NMI: variants seen among roughly 807,000 people sequenced by gnomAD.
The protein encoded by NMI is N-myc and STAT interactor.
NMI carries 39 observed loss-of-function variants against 34.3 expected under a neutral mutation model. That is an observed-to-expected ratio of 1.14 (90% CI 0.88 to 1.49). NMI has a LOEUF of 1.49. NMI is among the 40% of genes most tolerant of loss of function. NMI has a pLI of 0.00. For missense variants in NMI, 339 were observed against 358.1 expected (o/e 0.95, Z 0.43); for synonymous variants, 113 against 120.3 (o/e 0.94, Z 0.40).
At chr2:151,277,343 C>T (rs1683308565) in intron 4 of NMI, 2 of 152,184 alleles carry the variant, frequency 1.3e-5, no homozygotes, top group Admixed American at 6.5e-5. Context: ...CCCTCCCACT[C>T]TTCCACAAAC....
chr2:151,274,141 G>A (rs776530498), intron 6 of NMI, among the ~76,000 whole-genome samples: 28 of 151,346 alleles, frequency 1.9e-4, no homozygotes, highest in Non-Finnish European at 3.8e-4. Context: ...TCAGGAGTTC[G>A]AGACCAACCT....
intron 3 of NMI, among the ~76,000 whole-genome samples, chr2:151,281,306 G>T (rs1358165072): frequency 6.6e-6 from 1 of 152,196 alleles, no homozygotes; most frequent in Non-Finnish European, 1.5e-5. Flanking sequence ...CACCTTGGAT[G>T]AGAAGAATTA....
At chr2:151,286,452 G>A (rs72856981) in intron 1 of NMI, among the ~76,000 whole-genome samples, 4,217 of 152,248 alleles carry the variant, frequency 0.028, 84 homozygotes, top group Non-Finnish European at 0.042. Flanking sequence ...CTGGGGCTCA[G>A]AAACTGATAC....
chr2:151,282,875 T>C lies in NMI; in HGVS notation c.74A>G (p.Gln25Arg), dbSNP rs996334738. The change falls in exon 2 of 8, where the codon CAA becomes CGA. Residue 25 changes from glutamine to arginine, a missense_variant. Physicochemically the swap from Gln to Arg is conservative, Grantham distance 43 (BLOSUM62 1). Coordinates refer to ENST00000243346, the MANE Select transcript of NMI (RefSeq NM_004688.3). ...HSPDEFIKDE[Q>R]NKGLIDEITK... ...CAGTAATTTCCTTTTTACCTTATTTTGTTCATCTTTTATAAATTCATCTGG... is the reference window on the plus strand; with the variant it reads ...CAGTAATTTCCTTTTTACCTTATTTCGTTCATCTTTTATAAATTCATCTGG... 4 of 1,476,414 alleles carry C rather than the reference T, an allele frequency of 2.7e-6. No individual in the cohort carries two copies. The highest frequency in any genetic ancestry group is 2.8e-6 in the Non-Finnish European group (3 of 1,087,952). 91.5% of individuals were successfully genotyped at this position (1,476,414 alleles called of 1,614,324 possible).
intron 6 of NMI, among the ~76,000 whole-genome samples, chr2:151,273,801 C>A (rs1683231789): frequency 6.6e-6 from 1 of 152,194 alleles, no homozygotes. Flanking sequence ...GGATTATAGG[C>A]ATGAGCCACT....
intron 1 of NMI, among the ~76,000 whole-genome samples, chr2:151,287,449 C>T (rs1376441797): frequency 2.0e-5 from 3 of 152,006 alleles, no homozygotes; most frequent in Non-Finnish European, 1.5e-5. Flanking sequence ...CTCACTTTCC[C>T]GTCCTATTTA....
chr2:151,275,963 C>G, intron 4 of NMI, 99 bp from the exon 5 acceptor site: 2 of 819,058 alleles, frequency 2.4e-6, no homozygotes, highest in Middle Eastern at 2.8e-4. Context: ...TTTTAATTTT[C>G]TTTAATATTA....
intron 4 of NMI, among the ~76,000 whole-genome samples, chr2:151,277,055 T>G (rs536991191): frequency 1.1e-4 from 17 of 152,316 alleles, no homozygotes; most frequent in African/African-American, 4.1e-4. Flanking sequence ...GCTATTCCAA[T>G]GTATCATGAA....
chr2:151,285,481 G>C (rs879675198), intron 1 of NMI, among the ~76,000 whole-genome samples: 1 of 151,816 alleles, frequency 6.6e-6, no homozygotes, highest in Admixed American at 6.6e-5. Flanking sequence ...CTAGCTACTC[G>C]GGAGGCTGAG....
In NMI at chr2:151,270,864, T is replaced by C. The variant is rs1683172435; in HGVS notation, c.753A>G (p.Gly251=). ...IHLKKYQIFS[G]TSKRTVLLTG... ...TCAGAAGCACTGTCCTCTTAGATGT[T>C]CCTGAAAATATCTAAGAAGGAAAAA... is the stretch of plus-strand genomic sequence containing the variant. The change falls in exon 8 of 8, where the codon GGA becomes GGG. Residue 251 remains glycine (G), a synonymous_variant. Transcript: ENST00000243346. The C allele has an allele frequency of 1.2e-6, 2 of 1,610,228 alleles. No individual in the cohort carries two copies. The highest frequency in any genetic ancestry group is 1.7e-6 in the Non-Finnish European group (2 of 1,178,538).
rs570873256 is a variant in NMI, at chr2:151,284,608, G to GT, written c.-6-1655dup. ...CTGTCCCCACAGGCATTGACTAAAT[G>GT]TTTTTTTTTTGGAGAAAGGCCCATA... On this transcript the variant is annotated intron_variant, in intron 1 of 7. Coordinates refer to ENST00000243346, the MANE Select transcript of NMI (RefSeq NM_004688.3). Among the ~76,000 whole-genome samples, 1,102 of 147,686 alleles carry GT rather than the reference G, an allele frequency of 7.5e-3. 12 individuals carry two copies. Among genetic ancestry groups the GT allele is most frequent in the South Asian group, 0.022 (101 of 4,684 alleles).
chr2:151,271,388 T>C (rs12987765), intron 7 of NMI, among the ~76,000 whole-genome samples: 54,761 of 152,062 alleles, frequency 0.36, 12,038 homozygotes, highest in Admixed American at 0.51. Flanking sequence ...AAAATAAAAA[T>C]TGTGCCATTA....
Position 151,285,384 on chromosome 2 carries a change from TA to T in NMI, c.-6-2431del, listed in dbSNP as rs966836664. 2.9e-4 allele frequency among the ~76,000 whole-genome samples: 43 copies of T among 150,776 alleles called. 2 individuals carry two copies. The highest frequency in any genetic ancestry group is 2.7e-3 in the South Asian group (13 of 4,806). ...ATAGATAGATAGATAGATAGATAGA[TA>T]GATAGATAGATAGATAGATAAATAG... On this transcript the variant is annotated intron_variant, in intron 1 of 7. Coordinates refer to ENST00000243346, the MANE Select transcript of NMI (RefSeq NM_004688.3).
intron 1 of NMI, among the ~76,000 whole-genome samples, chr2:151,287,524 G>C (rs998937532): frequency 6.6e-5 from 10 of 151,822 alleles, no homozygotes; most frequent in African/African-American, 2.4e-4. Flanking sequence ...TCTTTCCTCT[G>C]TCCCTCAAAC....
intron 1 of NMI, among the ~76,000 whole-genome samples, chr2:151,289,252 CAAAAAAAAAA>C (rs5835358): frequency 4.2e-4 from 31 of 74,276 alleles, no homozygotes; most frequent in African/African-American, 7.9e-4. Context: ...GACTCCGTCT[CAAAAAAAAAA>C]AAAAAAAAAA....
chr2:151,274,457 G>A (rs186900023), intron 6 of NMI, among the ~76,000 whole-genome samples: 83 of 149,990 alleles, frequency 5.5e-4, no homozygotes, highest in African/African-American at 1.9e-3. Context: ...GTAGGAGAAA[G>A]GGAAGTTTGA....
At chr2:151,284,865 T>C (rs1432839518) in intron 1 of NMI, among the ~76,000 whole-genome samples, 1 of 152,140 alleles carries the variant, frequency 6.6e-6, no homozygotes, top group Non-Finnish European at 1.5e-5. Context: ...CTATTCCTCC[T>C]TAAAAATAAA....
At chr2:151,271,575 G>T in intron 7 of NMI, 51 bp downstream of exon 7, 1 of 884,916 alleles carries the variant, frequency 1.1e-6, no homozygotes, top group Non-Finnish European at 1.9e-6. Context: ...TTTTTTGTGG[G>T]GTGGGTTTGG....
chr2:151,281,890 T>C lies in NMI; in HGVS notation c.177+58A>G. On this transcript the variant is annotated intron_variant, in intron 3 of 7. Coordinates refer to ENST00000243346, the MANE Select transcript of NMI (RefSeq NM_004688.3). ...ATGAATTTTGTGTAATTAAAATGCT[T>C]TTTCCAAAAACCATGCATCCATCAA... 3.5e-6 allele frequency: 3 copies of C among 858,686 alleles called. No homozygotes were observed. The South Asian group carries it at 4.5e-5, about 13-fold the overall frequency. The allele number at this position is 858,686 out of a possible 1,614,324, so 53.2% of individuals were successfully genotyped here.
Sources: gnomAD v4.1 joint callset for allele counts (sites outside exome capture counted in the v4.1 genomes callset) on GRCh38, gnomAD v4.1.1 for gene constraint, MANE v1.5 for transcripts, NCBI Gene and HGNC (gene_info 2026-07-23, HGNC 2026-07-21) for gene names.